GRIK3: variants seen among roughly 807,000 people sequenced by gnomAD.
The protein encoded by GRIK3 is glutamate ionotropic receptor kainate type subunit 3.
In GRIK3, 29 loss-of-function variants were observed where a neutral mutation model predicts 102.5. That is an observed-to-expected ratio of 0.28 (90% CI 0.21 to 0.39). The LOEUF (loss-of-function observed/expected upper bound fraction) is 0.39, where lower values mean the gene tolerates loss of function less well. GRIK3 is among the 10% of genes least tolerant of loss of function. The pLI is 1.00. For synonymous variants in GRIK3, 511 were observed against 504.9 expected (o/e 1.01, Z -0.16); for missense variants, 908 against 1,252.4 (o/e 0.73, Z 4.15).
chr1:36,984,327 C>T (rs951508492), intron 1 of GRIK3, among the ~76,000 whole-genome samples: 3 of 152,270 alleles, frequency 2.0e-5, no homozygotes, highest in African/African-American at 7.2e-5. Flanking sequence ...TGCACACTAT[C>T]TCCTACCACA....
Position 36,797,266 on chromosome 1 carries a change from G to T in GRIK3, c.*4585C>A, listed in dbSNP as rs1401055532. 6.6e-6 allele frequency: 1 copy of T among 150,968 alleles called. No individual in the cohort carries two copies. The highest frequency in any genetic ancestry group is 1.5e-5 in the Non-Finnish European group (1 of 67,862). The allele number at this position is 150,968 out of a possible 1,614,324, so 9.4% of individuals were successfully genotyped here. ...AGGGTTGTATACACATGGGCTACAG[G>T]TCATATATACACTGTGCATATATAT... On this transcript the variant is annotated 3_prime_UTR_variant, in exon 16 of 16. Transcript: ENST00000373091.
intron 1 of GRIK3, among the ~76,000 whole-genome samples, chr1:36,957,412 C>A (rs76476293): frequency 0.011 from 668 of 61,470 alleles, no homozygotes; most frequent in South Asian, 0.016. Flanking sequence ...CCCCGTGAGC[C>A]TGTGTGCCCC....
At chr1:36,933,666 G>C (rs781030333) in intron 1 of GRIK3, among the ~76,000 whole-genome samples, 1 of 152,200 alleles carries the variant, frequency 6.6e-6, no homozygotes, top group Non-Finnish European at 1.5e-5. Flanking sequence ...TGAGGCAGCG[G>C]AAGACATTCA....
At chr1:36,869,905 G>C (rs544094320) in intron 4 of GRIK3, 104 bp from the exon 5 acceptor site, 9 of 806,410 alleles carry the variant, frequency 1.1e-5, no homozygotes, top group African/African-American at 6.7e-5. Context: ...GTTGGGGAAG[G>C]CTGGCTGCTT....
intron 1 of GRIK3, among the ~76,000 whole-genome samples, chr1:36,921,314 C>T (rs1248379028): frequency 6.6e-6 from 1 of 152,236 alleles, no homozygotes; most frequent in Non-Finnish European, 1.5e-5. Context: ...CACCTACCAG[C>T]TGCATTTGAC....
chr1:36,817,915 A>G (rs1459787372), intron 12 of GRIK3, among the ~76,000 whole-genome samples: 5 of 150,748 alleles, frequency 3.3e-5, no homozygotes, highest in South Asian at 4.2e-4. Flanking sequence ...GCAGGAGGGG[A>G]AAAAAAAATC....
At chr1:36,909,798 C>T (rs1232390124) in intron 1 of GRIK3, among the ~76,000 whole-genome samples, 1 of 152,186 alleles carries the variant, frequency 6.6e-6, no homozygotes. Flanking sequence ...GTGTCAACTG[C>T]AACCAACTTC....
chr1:36,906,078 T>C (rs564256714), intron 1 of GRIK3, among the ~76,000 whole-genome samples: 2 of 152,306 alleles, frequency 1.3e-5, no homozygotes, highest in East Asian at 1.9e-4. Flanking sequence ...TAATACCCAC[T>C]AATCTCTGCC....
intron 8 of GRIK3, among the ~76,000 whole-genome samples, chr1:36,852,698 A>G (rs61573320): frequency 6.3e-4 from 96 of 152,256 alleles, no homozygotes; most frequent in African/African-American, 2.2e-3. Context: ...CAGAGTCTTG[A>G]GCCCCAGAGG....
At chr1:36,961,435 G>C (rs1373860005) in intron 1 of GRIK3, among the ~76,000 whole-genome samples, 1 of 152,222 alleles carries the variant, frequency 6.6e-6, no homozygotes, top group Non-Finnish European at 1.5e-5. Context: ...CGAGGACAGT[G>C]GTAGAAAGAG....
intron 5 of GRIK3, among the ~76,000 whole-genome samples, chr1:36,868,537 C>G (rs892127280): frequency 1.3e-5 from 2 of 152,272 alleles, no homozygotes; most frequent in Admixed American, 6.5e-5. Context: ...GGAGGCGGCT[C>G]TTATTTGTAG....
At chr1:36,874,926 G>T (rs1005491731) in intron 3 of GRIK3, among the ~76,000 whole-genome samples, 1 of 152,210 alleles carries the variant, frequency 6.6e-6, no homozygotes, top group Non-Finnish European at 1.5e-5. Flanking sequence ...TCCAGCAGAG[G>T]ACTAGGCTCT....
At chr1:36,854,943 C>T (rs1044233203) in intron 7 of GRIK3, among the ~76,000 whole-genome samples, 13 of 152,326 alleles carry the variant, frequency 8.5e-5, no homozygotes, top group Non-Finnish European at 1.5e-4. Flanking sequence ...AACTAGAACC[C>T]GTGATCCCAG....
intron 1 of GRIK3, among the ~76,000 whole-genome samples, chr1:36,899,384 T>C (rs1191125098): frequency 6.6e-6 from 1 of 152,074 alleles, no homozygotes; most frequent in Non-Finnish European, 1.5e-5. Flanking sequence ...TGAATAAACA[T>C]TGAGGACAGT....
chr1:36,811,614 A>G (rs1216293410), intron 13 of GRIK3, among the ~76,000 whole-genome samples: 1 of 152,186 alleles, frequency 6.6e-6, no homozygotes, highest in Non-Finnish European at 1.5e-5. Context: ...TGGCTCCATA[A>G]GGTGGGTGCC....
At chr1:36,831,708 G>C (rs1409147895) in intron 10 of GRIK3, among the ~76,000 whole-genome samples, 1 of 152,194 alleles carries the variant, frequency 6.6e-6, no homozygotes, top group Non-Finnish European at 1.5e-5. Context: ...GGCCACACAT[G>C]GCTGTCAAGC....
intron 1 of GRIK3, among the ~76,000 whole-genome samples, chr1:36,950,036 A>G (rs1641828098): frequency 6.6e-6 from 1 of 152,172 alleles, no homozygotes; most frequent in African/African-American, 2.4e-5. Flanking sequence ...TGTGGCCATC[A>G]TACTGGAGTT....
At chr1:36,804,818 G>T in intron 15 of GRIK3, 169 bp downstream of exon 15, 2 of 825,892 alleles carry the variant, frequency 2.4e-6, no homozygotes, top group Non-Finnish European at 1.9e-6. Context: ...GGAAAAAAGT[G>T]CCAGGTCAGG....
At chr1:36,817,331 T>C in intron 12 of GRIK3, 54 bp from the exon 13 acceptor site, 4 of 1,195,132 alleles carry the variant, frequency 3.3e-6, no homozygotes, top group Non-Finnish European at 5.0e-6. Flanking sequence ...CTAGCGCTGC[T>C]CAAGTCCCCT....
Sources: gnomAD v4.1 joint callset for allele counts (sites outside exome capture counted in the v4.1 genomes callset) on GRCh38, gnomAD v4.1.1 for gene constraint, MANE v1.5 for transcripts, NCBI Gene and HGNC (gene_info 2026-07-23, HGNC 2026-07-21) for gene names.